PLK1: variants seen among roughly 807,000 people sequenced by gnomAD.
PLK1 encodes serine/threonine-protein kinase PLK1.
A neutral mutation model predicts 56.7 loss-of-function variants in PLK1; 6 were observed. That is an observed-to-expected ratio of 0.11 (90% CI 0.06 to 0.21). The LOEUF is 0.21. Ranked by LOEUF, PLK1 falls within the 10% of genes least tolerant of loss-of-function variation. The probability of loss-of-function intolerance (pLI) is 1.00; values close to 1 mark genes in which losing one functional copy is unlikely to be tolerated. For missense variants in PLK1, 546 were observed against 814.4 expected (o/e 0.67, Z 4.01); for synonymous variants, 298 against 325.0 (o/e 0.92, Z 0.89).
At chr16:23,680,020 C>T (rs1597133808) in intron 1 of PLK1, 64 bp from the exon 2 acceptor site, 3 of 1,193,920 alleles carry the variant, frequency 2.5e-6, no homozygotes, top group East Asian at 2.3e-5. Flanking sequence ...TGGTAACCCT[C>T]TCCCTTCCCC....
rs1302419738 is a variant in PLK1 at position 23,690,145 on chromosome 16, A to G, written c.*82A>G. 3 of 1,094,980 alleles carry G rather than the reference A, an allele frequency of 2.7e-6. No homozygotes were observed. Among genetic ancestry groups the G allele is most frequent in the Non-Finnish European group, 4.1e-6 (3 of 729,192 alleles). The allele number at this position is 1,094,980 out of a possible 1,614,324, so 67.8% of individuals were successfully genotyped here. A position where few individuals can be genotyped will look rare whatever the true frequency, so the allele number is the denominator to read the frequency against. On this transcript the variant is annotated 3_prime_UTR_variant, in exon 10 of 10. Transcript: ENST00000300093. ...CATACTGGTTGGCTCCCGCGGTGCC[A>G]TGTCTGCAGTGTGCCCCCCAGCCCC...
chr16:23,679,007 T>G lies in PLK1; in HGVS notation c.75T>G (p.Val25=). The change falls in exon 1 of 10, where the codon GTT becomes GTG. Residue 25 remains valine, a synonymous_variant. Transcript: ENST00000300093. ...ADPGKAGVPG[V]AAPGAPAAAP... is the part of the protein sequence containing the mutation. ...CTGGGAAAGCCGGGGTCCCCGGAGT[T>G]GCAGCTCCCGGAGCTCCGGCGGCGG... 1 of 1,606,934 alleles carries G rather than the reference T, an allele frequency of 6.2e-7. No individual in the cohort carries two copies. The highest frequency in any genetic ancestry group is 8.5e-7 in the Non-Finnish European group (1 of 1,177,170).
At chr16:23,681,840 C>T (rs1467232780) in intron 3 of PLK1, among the ~76,000 whole-genome samples, 3 of 152,174 alleles carry the variant, frequency 2.0e-5, no homozygotes, top group Non-Finnish European at 4.4e-5. Flanking sequence ...ATCACTGGCC[C>T]TTAAGAATCC....
At chr16:23,684,211 T>A in intron 5 of PLK1, 122 bp downstream of exon 5, 4 of 714,138 alleles carry the variant, frequency 5.6e-6, no homozygotes, top group African/African-American at 1.8e-5. Context: ...CCTCTGTCCT[T>A]CAATCCGTGG....
At position 23,689,412 on chromosome 16, in the gene PLK1, T is replaced by C. The variant is rs1199891882; in HGVS notation, c.1425+20T>C. ...AAGAAGGTGAGTGCCGTCCGGCCCA[T>C]GGGGGGTGGTGTTGCAGAAGTGGGA... On this transcript the variant is annotated intron_variant, in intron 8 of 9. Transcript: ENST00000300093. The surrounding 1 kb of genome is among the most constrained non-coding windows in gnomAD (Gnocchi z 4.8). 6.2e-7 allele frequency: 1 copy of C among 1,602,810 alleles called. No individual in the cohort carries two copies. Among genetic ancestry groups the C allele is most frequent in the Non-Finnish European group, 8.5e-7 (1 of 1,170,446 alleles).
chr16:23,679,259 C>T lies in PLK1; in HGVS notation c.327C>T (p.Ala109=), dbSNP rs767313839. The part of the protein sequence containing the change: ...SMEISIHRSL[A]HQHVVGFHGF... ...AAATATCCATTCACCGCAGCCTCGC[C>T]CACCAGCACGTCGTAGGATTCCACG... The change falls in exon 1 of 10, where the codon GCC becomes GCT. Residue 109 remains alanine (A), a synonymous_variant. Coordinates refer to ENST00000300093, the MANE Select transcript of PLK1 (RefSeq NM_005030.6). 6.2e-6 allele frequency: 10 copies of T among 1,614,040 alleles called. No individual in the cohort carries two copies. The East Asian group carries it at 6.7e-5, about 11-fold the overall frequency.
intron 4 of PLK1, among the ~76,000 whole-genome samples, chr16:23,683,087 T>G (rs1047688746): frequency 6.8e-6 from 1 of 146,000 alleles, no homozygotes; most frequent in Non-Finnish European, 1.5e-5. Context: ...GCCTCCCAGG[T>G]TCATGGCATT....
At chr16:23,686,923 G>A (rs1959436453) in intron 5 of PLK1, 1 of 152,154 alleles carries the variant, frequency 6.6e-6, no homozygotes, top group African/African-American at 2.4e-5. Context: ...GGTGGTGGGG[G>A]AATAAATAAA....
intron 5 of PLK1, among the ~76,000 whole-genome samples, chr16:23,686,734 A>G (rs1385169994): frequency 1.3e-5 from 2 of 152,278 alleles, no homozygotes; most frequent in South Asian, 2.1e-4. Context: ...CAAACAATCT[A>G]CCTGCCTCGG....
intron 5 of PLK1, among the ~76,000 whole-genome samples, chr16:23,686,397 T>C (rs1483034106): frequency 6.6e-6 from 1 of 152,256 alleles, no homozygotes; most frequent in Admixed American, 6.5e-5. Flanking sequence ...CCATGTTTCA[T>C]CTATTTTTAC....
At chr16:23,684,868 C>T (rs961156095) in intron 5 of PLK1, among the ~76,000 whole-genome samples, 2 of 149,558 alleles carry the variant, frequency 1.3e-5, no homozygotes, top group Admixed American at 6.7e-5. Flanking sequence ...CTGTGTTAGC[C>T]AGGATGGTCT....
chr16:23,687,211 C>A, intron 5 of PLK1: 1 of 280,918 alleles, frequency 3.6e-6, no homozygotes, highest in South Asian at 1.3e-4. Context: ...TGCCTTCAAG[C>A]TGTTTGCCTG....
intron 4 of PLK1, among the ~76,000 whole-genome samples, chr16:23,683,527 C>T (rs1264289710): frequency 1.3e-5 from 2 of 152,128 alleles, no homozygotes; most frequent in Admixed American, 6.5e-5. Context: ...TCACTTTCCT[C>T]CTCTGTGAAA....
chr16:23,683,754 G>T, intron 4 of PLK1, 116 bp from the exon 5 acceptor site: 2 of 777,596 alleles, frequency 2.6e-6, no homozygotes, highest in East Asian at 4.9e-5. Flanking sequence ...CTGACCTGTG[G>T]TGTATTTGAG....
chr16:23,687,289 T>C, intron 5 of PLK1, 180 bp from the exon 6 acceptor site: 1 of 459,868 alleles, frequency 2.2e-6, no homozygotes, highest in Non-Finnish European at 3.8e-6. Context: ...ATCTGTTGCC[T>C]CACAGTGAGC....
At chr16:23,682,593 A>C (rs1959350393) in intron 4 of PLK1, among the ~76,000 whole-genome samples, 1 of 142,882 alleles carries the variant, frequency 7.0e-6, no homozygotes, top group African/African-American at 2.7e-5. Context: ...CATGATCTTG[A>C]CTCACTGCAA....
chr16:23,687,688 G>C, intron 6 of PLK1, 64 bp downstream of exon 6: 1 of 1,296,314 alleles, frequency 7.7e-7, no homozygotes, highest in Non-Finnish European at 1.1e-6. Flanking sequence ...GGCAGGAGGA[G>C]GCTTGGCCAA....
chr16:23,682,047 C>T lies in PLK1; in HGVS notation c.723-17C>T. 6.9e-7 allele frequency: 1 copy of T among 1,438,930 alleles called. No homozygotes were observed. The highest frequency in any genetic ancestry group is 9.8e-7 in the Non-Finnish European group (1 of 1,021,414). 89.1% of individuals were successfully genotyped at this position (1,438,930 alleles called of 1,614,324 possible). ...GTGGCTGGGAGACTGGTGCCAAATCCTACCTTGTGCTTACAGGTATACCTT... is the reference window on the plus strand; with the variant it reads ...GTGGCTGGGAGACTGGTGCCAAATCTTACCTTGTGCTTACAGGTATACCTT... On this transcript the variant is annotated splice_polypyrimidine_tract_variant and intron_variant, in intron 3 of 9. Coordinates refer to ENST00000300093, the MANE Select transcript of PLK1 (RefSeq NM_005030.6).
intron 5 of PLK1, among the ~76,000 whole-genome samples, chr16:23,685,461 C>G (rs2140999686): frequency 6.6e-6 from 1 of 152,062 alleles, no homozygotes; most frequent in South Asian, 2.1e-4. Flanking sequence ...AAATTTTTTT[C>G]TTTGGGAGGC....
Sources: gnomAD v4.1 joint callset for allele counts (sites outside exome capture counted in the v4.1 genomes callset) on GRCh38, gnomAD v4.1.1 for gene constraint, Gnocchi (gnomAD v3.1) non-coding constraint, MANE v1.5 for transcripts, NCBI Gene and HGNC (gene_info 2026-07-23, HGNC 2026-07-21) for gene names.